Variants in PLCB3 observed in about 807,000 individuals in gnomAD.
The protein encoded by PLCB3 is 1-phosphatidylinositol 4,5-bisphosphate phosphodiesterase beta-3.
PLCB3 carries 54 observed loss-of-function variants against 152.1 expected under a neutral mutation model. The ratio of observed to expected loss-of-function variants is 0.36; its 90% CI spans 0.29 to 0.45. PLCB3 has a LOEUF of 0.45. Ranked by LOEUF, PLCB3 falls within the 20% of genes least tolerant of loss-of-function variation. The pLI is 1.00. For synonymous variants in PLCB3, 717 were observed against 698.7 expected (o/e 1.03, Z -0.41); for missense variants, 1,248 against 1,687.5 (o/e 0.74, Z 4.56).
Position 64,254,402 on chromosome 11 carries a change from G to A in PLCB3, c.100-13G>A. The A allele has an allele frequency of 1.2e-6, 2 of 1,611,524 alleles. No individual in the cohort carries two copies. Among genetic ancestry groups the A allele is most frequent in the Non-Finnish European group, 8.5e-7 (1 of 1,177,808 alleles). On this transcript the variant is annotated splice_polypyrimidine_tract_variant and intron_variant, in intron 1 of 30. Coordinates refer to ENST00000279230, the MANE Select transcript of PLCB3 (RefSeq NM_000932.5). ...CTCACTTCCTGACCCCTGCTGCCCTGTGCTGTCCTCAGGAGACCTCCAGTC... is the reference window on the plus strand; with the variant it reads ...CTCACTTCCTGACCCCTGCTGCCCTATGCTGTCCTCAGGAGACCTCCAGTC...
In PLCB3 at chr11:64,266,242, T is replaced by A. The variant is rs780931814; in HGVS notation, c.3266+40T>A. 6.2e-7 allele frequency: 1 copy of A among 1,613,600 alleles called. No individual in the cohort carries two copies. The highest frequency in any genetic ancestry group is 1.3e-5 in the African/African-American group (1 of 74,856). The stretch of plus-strand genomic sequence containing the variant: ...TTGTCTATGGGAAGGGCTGGGGACT[T>A]CTAGTACCAGAAGGAGGGCAGAGTC... On this transcript the variant is annotated intron_variant, in intron 27 of 30. Transcript: ENST00000279230. This position sits in a 1 kb window ranked among gnomAD's most constrained non-coding sequence, Gnocchi z 4.9.
chr11:64,259,587 G>A (rs1021474786), intron 13 of PLCB3, among the ~76,000 whole-genome samples: 11 of 151,846 alleles, frequency 7.2e-5, no homozygotes, highest in African/African-American at 2.4e-4. Flanking sequence ...CCCTAAGCCC[G>A]CATTGAGTTC....
At chr11:64,256,584 C>A (rs588177) in intron 9 of PLCB3, 34 bp from the exon 10 acceptor site, 1,027,268 of 1,612,764 alleles carry the variant, frequency 0.64, 339,893 homozygotes, top group Non-Finnish European at 0.69. Context: ...CAGGTGGGAC[C>A]CCAGCTGACC....
At chr11:64,253,244 A>C (rs1157058168) in intron 1 of PLCB3, among the ~76,000 whole-genome samples, 3 of 152,190 alleles carry the variant, frequency 2.0e-5, no homozygotes, top group Non-Finnish European at 1.5e-5. Flanking sequence ...CCTGCTTCCC[A>C]GGTCACAGGA....
chr11:64,266,638 T>C lies in PLCB3; in HGVS notation c.3414+86T>C. 7.4e-7 allele frequency: 1 copy of C among 1,354,578 alleles called. No homozygotes were observed. Among genetic ancestry groups the C allele is most frequent in the Non-Finnish European group, 1.1e-6 (1 of 947,288 alleles). 83.9% of individuals were successfully genotyped at this position (1,354,578 alleles called of 1,614,324 possible). On this transcript the variant is annotated intron_variant, in intron 29 of 30. Transcript: ENST00000279230. The surrounding 1 kb of genome is among the most constrained non-coding windows in gnomAD (Gnocchi z 4.9). ...TCTCCATGCCTGGCCTGGTGCCACG[T>C]TGCCCTCAAGGTTCTTCTAGGGCCT...
At chr11:64,264,440 G>T (rs1346994692) in intron 22 of PLCB3, among the ~76,000 whole-genome samples, 5 of 152,226 alleles carry the variant, frequency 3.3e-5, no homozygotes, top group Admixed American at 2.0e-4. Context: ...GTGGGGAGGG[G>T]TCAGGCACGG....
chr11:64,259,328 C>A, intron 13 of PLCB3, 84 bp downstream of exon 13: 1 of 1,134,658 alleles, frequency 8.8e-7, no homozygotes, highest in Non-Finnish European at 1.2e-6. Flanking sequence ...TCATCCCAGA[C>A]CCCCAGCCCA....
chr11:64,252,490 C>T (rs958071275), intron 1 of PLCB3, among the ~76,000 whole-genome samples: 4 of 152,240 alleles, frequency 2.6e-5, no homozygotes, highest in African/African-American at 7.2e-5. Flanking sequence ...GCATCCTCTT[C>T]TGCCCCCTGG....
chr11:64,264,864 T>G (rs1727311559), intron 22 of PLCB3, 87 bp from the exon 23 acceptor site: 13 of 1,313,256 alleles, frequency 9.9e-6, no homozygotes, highest in Non-Finnish European at 1.4e-5. Context: ...CTGACAGGGG[T>G]GCTAGGGGAC....
At position 64,258,830 on chromosome 11, in the gene PLCB3, A is replaced by G. The variant is rs185738787; in HGVS notation, c.1254-55A>G. 7.1e-5 allele frequency: 115 copies of G among 1,608,648 alleles called. No individual in the cohort carries two copies. The Admixed American group carries it at 1.8e-3, about 25-fold the overall frequency. ...GAACGGCCACTGACATGTCCCGTAG[A>G]CCTCAGCTTCCTCTCTGGGGGAGGG... On this transcript the variant is annotated intron_variant, in intron 11 of 30. Coordinates refer to ENST00000279230, the MANE Select transcript of PLCB3 (RefSeq NM_000932.5). The surrounding 1 kb of genome is among the most constrained non-coding windows in gnomAD (Gnocchi z 7.2).
chr11:64,259,003 G>C, intron 12 of PLCB3, 34 bp downstream of exon 12: 4 of 1,613,158 alleles, frequency 2.5e-6, no homozygotes, highest in Non-Finnish European at 3.4e-6. Flanking sequence ...GGTGGCATGG[G>C]GGCCAGGGTG....
chr11:64,263,785 C>G lies in PLCB3; in HGVS notation c.2550C>G (p.Asp850Glu). 6.2e-7 allele frequency: 1 copy of G among 1,612,488 alleles called. No individual in the cohort carries two copies. Among genetic ancestry groups the G allele is most frequent in the African/African-American group, 1.3e-5 (1 of 75,026 alleles). The change falls in exon 21 of 31, where the codon GAC (aspartate) becomes GAG (glutamate). Residue 850 changes from aspartate to glutamate, a missense_variant. By Grantham distance (45) the Asp-to-Glu change is conservative. Around this residue, in one of 6 missense-constraint regions of PLCB3, gnomAD observed 244 missense variants for 424.4 expected, o/e 0.57. Transcript: ENST00000279230. ...CCGAAGCCTCGGACTACATTCCTGACGACCACCAGGGTGAGCTGGGGGTGG... is the reference window on the plus strand; with the variant it reads ...CCGAAGCCTCGGACTACATTCCTGAGGACCACCAGGGTGAGCTGGGGGTGG... ...IYTEASDYIP[D>E]DHQDYAEALI...
At chr11:64,257,153 C>T (rs547481114) in intron 10 of PLCB3, among the ~76,000 whole-genome samples, 114 of 152,178 alleles carry the variant, frequency 7.5e-4, no homozygotes, top group African/African-American at 1.6e-3. Flanking sequence ...TACAGGCATT[C>T]GCCACCACGC....
Position 64,262,530 on chromosome 11 carries a change from ATGGCATCG to A in PLCB3, c.2167_2174del (p.Ile723GlnfsTer32). On this transcript the variant is annotated frameshift_variant, in exon 18 of 31. Transcript: ENST00000279230. LOFTEE classifies it high-confidence loss of function. ...GACCCCTTCACTGAGGTCATCGTGG[ATGGCATCG>A]TGGCCAATGCCTTGCGGGTCAAGGT... 1 of 1,613,966 alleles carries A rather than the reference ATGGCATCG, an allele frequency of 6.2e-7. No homozygotes were observed. Among genetic ancestry groups the A allele is most frequent in the Non-Finnish European group, 8.5e-7 (1 of 1,179,994 alleles).
Position 64,255,629 on chromosome 11 carries a change from GGGACAGGGGC to G in PLCB3, c.597+16_597+25del. The stretch of plus-strand genomic sequence containing the variant: ...CAAATTCAACCGGGTGTGTGGGGTG[GGGACAGGGGC>G]GGGGTGGGGTGTCACGGTGGGCACC... On this transcript the variant is annotated intron_variant, in intron 7 of 30. Transcript: ENST00000279230. The surrounding 1 kb of genome is among the most constrained non-coding windows in gnomAD (Gnocchi z 6.8). 1 of 1,607,398 alleles carries G rather than the reference GGGACAGGGGC, an allele frequency of 6.2e-7. No individual in the cohort carries two copies. Among genetic ancestry groups the G allele is most frequent in the Non-Finnish European group, 8.5e-7 (1 of 1,174,770 alleles).
rs1170877920 is a variant in PLCB3, at chr11:64,266,243, C to A, written c.3266+41C>A. 6.2e-7 allele frequency: 1 copy of A among 1,613,670 alleles called. No individual in the cohort carries two copies. The highest frequency in any genetic ancestry group is 1.3e-5 in the African/African-American group (1 of 74,872). ...TGTCTATGGGAAGGGCTGGGGACTT[C>A]TAGTACCAGAAGGAGGGCAGAGTCT... On this transcript the variant is annotated intron_variant, in intron 27 of 30. Transcript: ENST00000279230. This position sits in a 1 kb window ranked among gnomAD's most constrained non-coding sequence, Gnocchi z 4.9.
At chr11:64,252,201 G>A (rs1046271217) in intron 1 of PLCB3, among the ~76,000 whole-genome samples, 2 of 151,996 alleles carry the variant, frequency 1.3e-5, no homozygotes, top group Admixed American at 1.3e-4. Context: ...TGCCTGAACA[G>A]TCCTCGTCCA....
chr11:64,261,924 C>T (rs2031874106), intron 16 of PLCB3, 28 bp from the exon 17 acceptor site: 2 of 1,613,290 alleles, frequency 1.2e-6, no homozygotes, highest in African/African-American at 1.3e-5. Flanking sequence ...GCCCTGGCAC[C>T]TGTGTGGCCC....
At position 64,265,414 on chromosome 11, in the gene PLCB3, C is replaced by T. The variant is rs766064640; in HGVS notation, c.2947C>T (p.Arg983Trp). Residue 983 changes from arginine to tryptophan, a missense_variant, in exon 25 of 31, where the codon CGG becomes TGG. Physicochemically the swap from Arg to Trp is moderately radical, Grantham distance 101. This residue lies in a region of PLCB3 where 477 missense variants were observed against 489.6 expected (regional missense o/e 0.97). Transcript: ENST00000279230. ...GCGGGAGCTGCGCAAGAAGCATCAG[C>T]GGAAGGCAGTCACCCTCACCCGCCG... ...DLRELRKKHQ[R>W]KAVTLTRRLL... 2.5e-6 allele frequency: 4 copies of T among 1,612,110 alleles called. No individual in the cohort carries two copies. Among genetic ancestry groups the T allele is most frequent in the South Asian group, 2.2e-5 (2 of 91,080 alleles).
Sources: allele counts gnomAD v4.1 joint callset (sites outside exome capture counted in the v4.1 genomes callset), GRCh38; gene constraint gnomAD v4.1.1; regional missense constraint gnomAD v4.1.1; non-coding constraint Gnocchi (gnomAD v3.1); transcripts MANE v1.5; gene names NCBI Gene and HGNC (gene_info 2026-07-23, HGNC 2026-07-21).